Variants in AGBL1 observed in about 807,000 individuals in gnomAD.
The protein encoded by AGBL1 is AGBL carboxypeptidase 1.
AGBL1 carries 130 observed loss-of-function variants against 118.9 expected under a neutral mutation model. The observed-to-expected ratio is 1.09, with a 90% CI of 0.95 to 1.26. The LOEUF (loss-of-function observed/expected upper bound fraction) is 1.26, where lower values mean the gene tolerates loss of function less well. AGBL1 is among the 50% of genes most tolerant of loss of function. The pLI, the probability that AGBL1 is intolerant of heterozygous loss-of-function variation, is 0.00. For missense variants in AGBL1, 1,584 were observed against 1,298.1 expected (o/e 1.22, Z -3.38); for synonymous variants, 555 against 478.9 (o/e 1.16, Z -2.08).
chr15:86,779,561 G>T (rs1209155604), intron 22 of AGBL1, among the ~76,000 whole-genome samples: 1 of 152,004 alleles, frequency 6.6e-6, no homozygotes, highest in Non-Finnish European at 1.5e-5. Flanking sequence ...AATTATTTGG[G>T]TATAAATTTA....
chr15:86,171,413 T>G (rs1247073140), intron 5 of AGBL1, among the ~76,000 whole-genome samples: 1 of 152,182 alleles, frequency 6.6e-6, no homozygotes, highest in Non-Finnish European at 1.5e-5. Flanking sequence ...TCTTATGTAT[T>G]AAATGGTATA....
intron 21 of AGBL1, among the ~76,000 whole-genome samples, chr15:86,642,568 AC>A (rs774032982): frequency 3.3e-5 from 5 of 151,310 alleles, no homozygotes; most frequent in Admixed American, 1.3e-4. Flanking sequence ...ACAACATGCA[AC>A]TTTTGTCTTC....
At chr15:86,850,398 G>C (rs1363393991) in intron 22 of AGBL1, among the ~76,000 whole-genome samples, 1 of 152,194 alleles carries the variant, frequency 6.6e-6, no homozygotes, top group Non-Finnish European at 1.5e-5. Flanking sequence ...CCCCCTTCCT[G>C]TTTTTCACAC....
At chr15:86,189,044 A>G (rs1218471110) in intron 5 of AGBL1, among the ~76,000 whole-genome samples, 1 of 152,238 alleles carries the variant, frequency 6.6e-6, no homozygotes, top group Non-Finnish European at 1.5e-5. Flanking sequence ...GAAATAAGAC[A>G]GCTTCAGAAT....
At chr15:86,452,065 C>T (rs935620691) in intron 18 of AGBL1, among the ~76,000 whole-genome samples, 1 of 152,100 alleles carries the variant, frequency 6.6e-6, no homozygotes, top group Non-Finnish European at 1.5e-5. Flanking sequence ...AGCCTTATGC[C>T]AGCCACAGTA....
intron 18 of AGBL1, among the ~76,000 whole-genome samples, chr15:86,457,848 C>G (rs1325928490): frequency 6.6e-6 from 1 of 152,178 alleles, no homozygotes; most frequent in African/African-American, 2.4e-5. Context: ...GCCGTTGCTT[C>G]TCATAATTCC....
At chr15:86,282,914 A>G (rs2079377961) in intron 16 of AGBL1, among the ~76,000 whole-genome samples, 1 of 152,222 alleles carries the variant, frequency 6.6e-6, no homozygotes, top group African/African-American at 2.4e-5. Flanking sequence ...TAGGACTTGT[A>G]TGTTGAATGT....
chr15:86,102,399 T>C (rs1351376024), intron 1 of AGBL1, among the ~76,000 whole-genome samples: 1 of 152,164 alleles, frequency 6.6e-6, no homozygotes, highest in East Asian at 1.9e-4. Context: ...CTTTCACATG[T>C]TTTCATGATG....
downstream of AGBL1, among the ~76,000 whole-genome samples, chr15:86,918,393 T>C (rs993633264): frequency 1.3e-5 from 2 of 152,156 alleles, no homozygotes; most frequent in African/African-American, 2.4e-5. Context: ...AAAGGAAATG[T>C]TCCTAGTGGC....
chr15:86,735,614 G>C (rs1044905014), intron 22 of AGBL1, among the ~76,000 whole-genome samples: 1 of 148,212 alleles, frequency 6.7e-6, no homozygotes, highest in Non-Finnish European at 1.5e-5. Flanking sequence ...GTGTGTGTGT[G>C]TGTGTGTGTG....
At chr15:86,275,124 C>T (rs189668290) in intron 15 of AGBL1, among the ~76,000 whole-genome samples, 1 of 152,318 alleles carries the variant, frequency 6.6e-6, no homozygotes, top group African/African-American at 2.4e-5. Context: ...CACAGCCACA[C>T]ACCTTTTTGA....
chr15:86,923,584 C>T (rs1021937240), intron 23 of AGBL1, among the ~76,000 whole-genome samples: 1 of 152,298 alleles, frequency 6.6e-6, no homozygotes, highest in South Asian at 2.1e-4. Context: ...TATATCCTTT[C>T]GTGCTTGGCT....
intron 20 of AGBL1, among the ~76,000 whole-genome samples, chr15:86,552,006 C>T (rs745782872): frequency 3.2e-4 from 48 of 152,250 alleles, no homozygotes; most frequent in African/African-American, 6.7e-4. Context: ...AGGTGGAACA[C>T]AGGGGATTCT....
At chr15:86,876,175 A>G (rs948893371) in intron 22 of AGBL1, among the ~76,000 whole-genome samples, 1 of 152,192 alleles carries the variant, frequency 6.6e-6, no homozygotes, top group South Asian at 2.1e-4. Context: ...CTGTATACCA[A>G]GGACTCTGAA....
intron 22 of AGBL1, among the ~76,000 whole-genome samples, chr15:86,801,603 G>A (rs1208411993): frequency 6.6e-6 from 1 of 152,056 alleles, no homozygotes; most frequent in African/African-American, 2.4e-5. Context: ...ATATCTGTCT[G>A]TATCTGTGTG....
chr15:86,158,043 T>A (rs2077216226), intron 4 of AGBL1, among the ~76,000 whole-genome samples: 1 of 152,188 alleles, frequency 6.6e-6, no homozygotes, highest in African/African-American at 2.4e-5. Flanking sequence ...AATTCGGAAG[T>A]AAGAGCTGAA....
intron 22 of AGBL1, among the ~76,000 whole-genome samples, chr15:86,789,603 T>C (rs1271671877): frequency 6.6e-6 from 1 of 152,164 alleles, no homozygotes; most frequent in African/African-American, 2.4e-5. Context: ...TAAGTAAAAC[T>C]GCAATCCAGC....
intron 21 of AGBL1, among the ~76,000 whole-genome samples, chr15:86,668,628 T>C (rs1263214265): frequency 6.6e-6 from 1 of 152,186 alleles, no homozygotes; most frequent in Non-Finnish European, 1.5e-5. Flanking sequence ...TGCTCTGTTT[T>C]ATAAAAAGTG....
At chr15:86,999,274 G>T (rs2081410891) in intron 24 of AGBL1, among the ~76,000 whole-genome samples, 1 of 151,228 alleles carries the variant, frequency 6.6e-6, no homozygotes, top group Non-Finnish European at 1.5e-5. Flanking sequence ...ACATTGTGCA[G>T]GTTAGTTACA....
Sources: allele counts gnomAD v4.1 joint callset (sites outside exome capture counted in the v4.1 genomes callset), GRCh38; gene constraint gnomAD v4.1.1; transcripts MANE v1.5; gene names NCBI Gene and HGNC (gene_info 2026-07-23, HGNC 2026-07-21).